The following IQCK variants were observed in gnomAD, a reference collection of about 807,000 sequenced individuals.
IQCK encodes the protein IQ motif containing K, also known as IQ domain-containing protein K.
Under a neutral mutation model 28.1 loss-of-function variants are expected in IQCK, and 29 were observed. The ratio of observed to expected loss-of-function variants is 1.03; its 90% CI spans 0.77 to 1.41. The LOEUF is 1.41. Ranked by LOEUF, IQCK falls within the 40% of genes most tolerant of loss-of-function variation. The pLI is 0.00. For missense variants in IQCK, 359 were observed against 314.7 expected (o/e 1.14, Z -1.07); for synonymous variants, 113 against 115.1 (o/e 0.98, Z 0.12).
intron 4 of IQCK, among the ~76,000 whole-genome samples, chr16:19,740,045 C>T (rs1323149015): frequency 1.3e-5 from 2 of 152,216 alleles, no homozygotes; most frequent in Admixed American, 1.3e-4. Flanking sequence ...CCAGATGATC[C>T]TGAAGCCTGG....
exon 1 of IQCK, chr16:19,718,316 C>T: frequency 6.2e-7 from 1 of 1,606,652 alleles, no homozygotes; most frequent in South Asian, 1.1e-5. Flanking sequence ...CATGGCGGCA[C>T]CGCGGCAAAT....
intron 6 of IQCK, among the ~76,000 whole-genome samples, chr16:19,781,825 C>T (rs1161327058): frequency 1.3e-5 from 2 of 152,110 alleles, no homozygotes; most frequent in Non-Finnish European, 2.9e-5. Context: ...CCCATCTCTA[C>T]TAAAAATACA....
At chr16:19,753,892 C>T (rs1301040851) in intron 4 of IQCK, among the ~76,000 whole-genome samples, 1 of 151,972 alleles carries the variant, frequency 6.6e-6, no homozygotes, top group Non-Finnish European at 1.5e-5. Flanking sequence ...CTACATCAAA[C>T]AGAAGGGGGA....
rs573446929 is a variant in IQCK, at chr16:19,810,998, T to C, written c.691-16028T>C. On this transcript the variant is annotated intron_variant, in intron 7 of 7. Transcript: ENST00000564186. ...AGAGATCAAGGCATTGAAGGCATTG[T>C]ACGGTCTGGGTACAGTGGCTCACGC... is the stretch of plus-strand genomic sequence containing the variant. Among the ~76,000 whole-genome samples, 12 of 152,256 alleles carry C rather than the reference T, an allele frequency of 7.9e-5. No homozygotes were observed. In the East Asian group the frequency reaches 1.2e-3, roughly 15 times the overall value.
chr16:19,772,338 G>A lies in IQCK; in HGVS notation c.605+8226G>A, dbSNP rs141818863. ...TGGGGTCCATCTTAGAATCAAGACA[G>A]TTTGTTTTTAAAGATTCCAATGTGT... On this transcript the variant is annotated intron_variant, in intron 6 of 7. Transcript: ENST00000564186. Among the ~76,000 whole-genome samples the A allele has an allele frequency of 8.7e-3, 1,328 of 152,218 alleles. 19 individuals are homozygous for A. The highest frequency in any genetic ancestry group is 0.03 in the African/African-American group (1,261 of 41,542).
chr16:19,854,290 T>G (rs1441501868), intron 9 of IQCK, among the ~76,000 whole-genome samples: 1 of 152,250 alleles, frequency 6.6e-6, no homozygotes, highest in Admixed American at 6.5e-5. Context: ...GAGGCCTTGT[T>G]AAACTGTAGA....
intron 6 of IQCK, among the ~76,000 whole-genome samples, chr16:19,771,497 C>T (rs1219076230): frequency 2.6e-5 from 4 of 152,178 alleles, no homozygotes; most frequent in Non-Finnish European, 5.9e-5. Context: ...TCTTAGAGAT[C>T]ACCTACATTT....
intron 7 of IQCK, among the ~76,000 whole-genome samples, chr16:19,821,100 C>A (rs1249052863): frequency 6.6e-6 from 1 of 151,960 alleles, no homozygotes; most frequent in Non-Finnish European, 1.5e-5. Flanking sequence ...CCCAGCTAGT[C>A]AGAAGAATGA....
chr16:19,841,694 T>C (rs1181344325), intron 9 of IQCK, among the ~76,000 whole-genome samples: 1 of 152,186 alleles, frequency 6.6e-6, no homozygotes, highest in African/African-American at 2.4e-5. Context: ...TTAACTCTTC[T>C]AGCTTTCGGT....
chr16:19,842,263 A>C (rs930049891), intron 9 of IQCK, among the ~76,000 whole-genome samples: 4 of 152,230 alleles, frequency 2.6e-5, no homozygotes, highest in Admixed American at 6.5e-5. Context: ...ACATATCAAC[A>C]TGCTTTGCTT....
At chr16:19,733,952 G>A (rs1977923507) in intron 3 of IQCK, 125 bp downstream of exon 3, 2 of 872,602 alleles carry the variant, frequency 2.3e-6, no homozygotes, top group Non-Finnish European at 3.4e-6. Flanking sequence ...ATGTGTTCTT[G>A]TTTTATTTTT....
intron 4 of IQCK, among the ~76,000 whole-genome samples, chr16:19,741,617 G>C (rs78083546): frequency 0.051 from 7,835 of 152,192 alleles, 494 homozygotes; most frequent in South Asian, 0.24. Flanking sequence ...GATGCTCCAG[G>C]GTGCTTGAAC....
In IQCK at chr16:19,800,873, G is replaced by A. The variant is rs1391441408; in HGVS notation, c.690+11951G>A. The stretch of plus-strand genomic sequence containing the variant: ...AAAGAACATATATGGCTTTTACAAA[G>A]TAATAAAAACTTTACTTAGAAACCT... On this transcript the variant is annotated intron_variant, in intron 7 of 7. Coordinates refer to ENST00000564186, the Ensembl canonical transcript of IQCK. 1.7e-5 allele frequency among the ~76,000 whole-genome samples: 2 copies of A among 114,998 alleles called. 1 individual carries two copies. The highest frequency in any genetic ancestry group is 3.1e-5 in the Non-Finnish European group (2 of 64,760). The allele number at this position is 114,998 out of a possible 152,430, so 75.4% of individuals were successfully genotyped here.
chr16:19,820,551 A>AGGT (rs2056058209), intron 7 of IQCK, among the ~76,000 whole-genome samples: 1 of 151,828 alleles, frequency 6.6e-6, no homozygotes, highest in South Asian at 2.1e-4. Flanking sequence ...CGGGAGGCTG[A>AGGT]GGCACGAGAA....
At position 19,836,758 on chromosome 16, in the gene IQCK, C is replaced by T. The variant is rs984406631; in HGVS notation, c.802+9621C>T. Among the ~76,000 whole-genome samples, 25 of 152,192 alleles carry T rather than the reference C, an allele frequency of 1.6e-4. 1 individual carries two copies. The highest frequency in any genetic ancestry group is 3.9e-4 in the Admixed American group (6 of 15,268). On this transcript the variant is annotated intron_variant, in intron 9 of 9. Transcript: ENST00000320394. ...TGATCTCTTGACTTTGTGATCCGCCCGCCCTGGCCTCCCAAAGTGCTGAGA... is the reference window on the plus strand; with the variant it reads ...TGATCTCTTGACTTTGTGATCCGCCTGCCCTGGCCTCCCAAAGTGCTGAGA...
chr16:19,727,595 C>A (rs1031575108), intron 1 of IQCK, among the ~76,000 whole-genome samples: 3 of 149,856 alleles, frequency 2.0e-5, no homozygotes, highest in Admixed American at 6.6e-5. Context: ...ACCCCCCCCC[C>A]CCAAAAAAAA....
rs182220568 is a variant in IQCK, at chr16:19,802,811, C to T, written c.690+13889C>T. On this transcript the variant is annotated intron_variant, in intron 7 of 7. Transcript: ENST00000564186. ...GCTCCATGCGTTTGCTGTTGTCCCA[C>T]GTGTTTGGGTGTGTGCGTAGTCCCT... 3.3e-5 allele frequency among the ~76,000 whole-genome samples: 5 copies of T among 152,288 alleles called. No individual in the cohort carries two copies. In the East Asian group the frequency reaches 5.8e-4, roughly 18 times the overall value.
At chr16:19,731,127 T>C (rs1016341932) in intron 2 of IQCK, among the ~76,000 whole-genome samples, 1 of 152,130 alleles carries the variant, frequency 6.6e-6, no homozygotes, top group African/African-American at 2.4e-5. Context: ...TTGCAGTGGA[T>C]CTAACACCAT....
At chr16:19,806,598 AG>A (rs1265891656) in intron 7 of IQCK, among the ~76,000 whole-genome samples, 1 of 148,312 alleles carries the variant, frequency 6.7e-6, no homozygotes, top group Non-Finnish European at 1.5e-5. Flanking sequence ...CCCGAGGTGG[AG>A]GATGGCTTGA....
Sources: gnomAD v4.1 joint callset for allele counts (sites outside exome capture counted in the v4.1 genomes callset) on GRCh38, gnomAD v4.1.1 for gene constraint, MANE v1.5 for transcripts, NCBI Gene and HGNC (gene_info 2026-07-23, HGNC 2026-07-21) for gene names.